Variants in NKAIN2 observed in about 807,000 individuals in gnomAD.
The protein encoded by NKAIN2 is sodium/potassium transporting ATPase interacting 2.
A neutral mutation model predicts 32.6 loss-of-function variants in NKAIN2; 14 were observed. That is an observed-to-expected ratio of 0.43 (90% CI 0.28 to 0.67). The LOEUF (loss-of-function observed/expected upper bound fraction) is 0.67, where lower values mean the gene tolerates loss of function less well. Among genes scored for constraint, NKAIN2 ranks in the 30% least tolerant of loss-of-function variants. NKAIN2 has a pLI of 0.17. For synonymous variants in NKAIN2, 80 were observed against 87.2 expected (o/e 0.92, Z 0.46); for missense variants, 198 against 258.3 (o/e 0.77, Z 1.60).
At chr6:124,563,281 T>A (rs1237554382) in intron 3 of NKAIN2, among the ~76,000 whole-genome samples, 1 of 152,198 alleles carries the variant, frequency 6.6e-6, no homozygotes, top group Non-Finnish European at 1.5e-5. Flanking sequence ...TCCAAAAAGA[T>A]CTGAATACCT....
chr6:124,567,111 A>G (rs1780945638), intron 3 of NKAIN2, among the ~76,000 whole-genome samples: 1 of 152,194 alleles, frequency 6.6e-6, no homozygotes, highest in African/African-American at 2.4e-5. Flanking sequence ...TTCATATCGC[A>G]AAAACTCTTG....
chr6:124,782,217 GTTGAGT>G (rs759378691), intron 4 of NKAIN2, among the ~76,000 whole-genome samples: 5 of 152,028 alleles, frequency 3.3e-5, no homozygotes, highest in Non-Finnish European at 7.4e-5. Context: ...TGATGTTTCC[GTTGAGT>G]TTAACTGTTT....
chr6:124,783,617 C>G (rs938298045), intron 4 of NKAIN2, among the ~76,000 whole-genome samples: 2 of 152,088 alleles, frequency 1.3e-5, no homozygotes, highest in African/African-American at 2.4e-5. Flanking sequence ...CACAATAGTC[C>G]AGCCAGTGGA....
At position 124,502,212 on chromosome 6, in the gene NKAIN2, GAGAT is replaced by G. The variant is rs1176548358; in HGVS notation, c.273+146868_273+146871del. On this transcript the variant is annotated intron_variant, in intron 3 of 6. Transcript: ENST00000368417. ...CTGAATTTCAAGAGGTAACTTGAAA[GAGAT>G]AGTAGCATGCCAGGAGAGGAGTTTT... Among the ~76,000 whole-genome samples the G allele has an allele frequency of 5.9e-5, 9 of 152,278 alleles. No individual in the cohort carries two copies. The East Asian group carries it at 1.7e-3, about 29-fold the overall frequency.
intron 1 of NKAIN2, among the ~76,000 whole-genome samples, chr6:123,962,561 C>T (rs73773030): frequency 0.011 from 1,664 of 152,224 alleles, 30 homozygotes; most frequent in African/African-American, 0.038. Flanking sequence ...CCTTACTTCA[C>T]TCATCTCCTT....
intron 4 of NKAIN2, among the ~76,000 whole-genome samples, chr6:124,768,750 T>C (rs1778622905): frequency 6.6e-6 from 1 of 152,130 alleles, no homozygotes; most frequent in African/African-American, 2.4e-5. Flanking sequence ...AACAAAACTT[T>C]TGTTTGATTT....
At position 124,575,993 on chromosome 6, in the gene NKAIN2, A is replaced by T. The variant is rs529787542; in HGVS notation, c.274-82193A>T. Among the ~76,000 whole-genome samples the T allele has an allele frequency of 3.3e-5, 5 of 152,366 alleles. No individual in the cohort carries two copies. The South Asian group carries it at 1.0e-3, about 32-fold the overall frequency. ...CCTTAACACAAATCAAGACAGTGGC[A>T]CTAAACTGAACTGTTGAGGTAGAAA... On this transcript the variant is annotated intron_variant, in intron 3 of 6. Coordinates refer to ENST00000368417, the MANE Select transcript of NKAIN2 (RefSeq NM_001040214.3).
chr6:124,245,245 A>G (rs2753143), intron 1 of NKAIN2, among the ~76,000 whole-genome samples: 66,297 of 151,866 alleles, frequency 0.44, 16,798 homozygotes, highest in African/African-American at 0.7. Context: ...ACTTTAGCTC[A>G]TACACATCAC....
intron 3 of NKAIN2, among the ~76,000 whole-genome samples, chr6:124,447,657 A>C (rs1416780446): frequency 1.3e-5 from 2 of 152,140 alleles, no homozygotes; most frequent in East Asian, 1.9e-4. Context: ...ATAGAATCTT[A>C]ATTGACTTCA....
intron 1 of NKAIN2, among the ~76,000 whole-genome samples, chr6:124,067,575 A>T (rs1335246113): frequency 6.6e-6 from 1 of 152,164 alleles, no homozygotes; most frequent in Non-Finnish European, 1.5e-5. Flanking sequence ...CTTTGTACTG[A>T]AATGTATTTG....
At chr6:123,911,216 A>G (rs951155801) in intron 1 of NKAIN2, among the ~76,000 whole-genome samples, 2 of 152,146 alleles carry the variant, frequency 1.3e-5, no homozygotes, top group African/African-American at 2.4e-5. Flanking sequence ...TTGTGTTGCT[A>G]TAAAGGAATA....
At chr6:123,876,047 C>A (rs1304667463) in intron 1 of NKAIN2, among the ~76,000 whole-genome samples, 1 of 152,002 alleles carries the variant, frequency 6.6e-6, no homozygotes, top group Non-Finnish European at 1.5e-5. Context: ...ACACCCAAGT[C>A]ATTTTTTGGT....
intron 1 of NKAIN2, among the ~76,000 whole-genome samples, chr6:123,806,371 A>G (rs1034525963): frequency 6.6e-6 from 1 of 152,208 alleles, no homozygotes; most frequent in East Asian, 1.9e-4. Context: ...CAGATGCAGA[A>G]CAAAAAACAA....
At position 124,316,792 on chromosome 6, in the gene NKAIN2, T is replaced by C. The variant is rs146636937; in HGVS notation, c.192+33650T>C. ...CATTCTACTCAGCACCTTCTGGAAC[T>C]TGAAGATTCAGGTGGACTGGGAAAG... On this transcript the variant is annotated intron_variant, in intron 2 of 6. Coordinates refer to ENST00000368417, the MANE Select transcript of NKAIN2 (RefSeq NM_001040214.3). 4.2e-3 allele frequency among the ~76,000 whole-genome samples: 641 copies of C among 152,276 alleles called. 5 individuals carry two copies. The highest frequency in any genetic ancestry group is 0.011 in the Admixed American group (175 of 15,276).
chr6:124,088,709 AC>A (rs1784297255), intron 1 of NKAIN2, among the ~76,000 whole-genome samples: 1 of 152,054 alleles, frequency 6.6e-6, no homozygotes, highest in Non-Finnish European at 1.5e-5. Flanking sequence ...TATTTGATGT[AC>A]TGATTGATTA....
intron 1 of NKAIN2, among the ~76,000 whole-genome samples, chr6:123,912,906 AT>A (rs35393876): frequency 0.32 from 49,096 of 151,816 alleles, 9,092 homozygotes; most frequent in Middle Eastern, 0.45. Flanking sequence ...TCCATTAAAT[AT>A]TGTGATTTAG....
At chr6:124,130,517 TTTTCTC>T (rs1786419967) in intron 1 of NKAIN2, among the ~76,000 whole-genome samples, 1 of 152,188 alleles carries the variant, frequency 6.6e-6, no homozygotes, top group Non-Finnish European at 1.5e-5. Context: ...TATTTGCTCT[TTTTCTC>T]TTGTATTTGC....
chr6:124,635,990 A>G (rs1783759272), intron 3 of NKAIN2, among the ~76,000 whole-genome samples: 1 of 152,086 alleles, frequency 6.6e-6, no homozygotes, highest in Non-Finnish European at 1.5e-5. Context: ...CAGAATACAT[A>G]TTCTTCTCAT....
At chr6:124,439,717 A>T (rs1775610801) in intron 3 of NKAIN2, among the ~76,000 whole-genome samples, 1 of 151,964 alleles carries the variant, frequency 6.6e-6, no homozygotes, top group Non-Finnish European at 1.5e-5. Flanking sequence ...ATAAAACAGT[A>T]ACACAAGCCT....
Sources: gnomAD v4.1 joint callset for allele counts (sites outside exome capture counted in the v4.1 genomes callset) on GRCh38, gnomAD v4.1.1 for gene constraint, MANE v1.5 for transcripts, NCBI Gene and HGNC (gene_info 2026-07-23, HGNC 2026-07-21) for gene names.